The following XRCC5 variants were observed in gnomAD, a reference collection of about 807,000 sequenced individuals.
The protein encoded by XRCC5 is DNA repair protein Ku80.
A neutral mutation model predicts 95.7 loss-of-function variants in XRCC5; 12 were observed. That is an observed-to-expected ratio of 0.13 (90% CI 0.08 to 0.20). The LOEUF (loss-of-function observed/expected upper bound fraction) is 0.20, where lower values mean the gene tolerates loss of function less well. Among genes scored for constraint, XRCC5 ranks in the 10% least tolerant of loss-of-function variants. The pLI is 1.00. For synonymous variants in XRCC5, 281 were observed against 290.3 expected (o/e 0.97, Z 0.33); for missense variants, 595 against 873.9 (o/e 0.68, Z 4.02).
chr2:216,110,009 CTAAACCTTTTATTCT>C (rs1696558511), intron 1 of XRCC5, among the ~76,000 whole-genome samples: 1 of 152,202 alleles, frequency 6.6e-6, no homozygotes, highest in Non-Finnish European at 1.5e-5. Flanking sequence ...AGGGACGGAT[CTAAACCTTTTATTCT>C]TATCTCATTT....
At chr2:216,145,433 A>C (rs1404063678) in intron 13 of XRCC5, among the ~76,000 whole-genome samples, 1 of 152,226 alleles carries the variant, frequency 6.6e-6, no homozygotes, top group Non-Finnish European at 1.5e-5. Context: ...TATATTGGTA[A>C]CTTTTGAGCT....
chr2:216,114,204 G>C (rs62181311), intron 2 of XRCC5, among the ~76,000 whole-genome samples: 1 of 152,062 alleles, frequency 6.6e-6, no homozygotes, highest in Non-Finnish European at 1.5e-5. Flanking sequence ...TTTTATTTCT[G>C]CCCCTTCTAC....
At chr2:216,138,992 C>T (rs1490310911) in intron 12 of XRCC5, among the ~76,000 whole-genome samples, 1 of 151,906 alleles carries the variant, frequency 6.6e-6, no homozygotes, top group East Asian at 1.9e-4. Flanking sequence ...CAGATGGGTC[C>T]CTAGGGCCTG....
chr2:216,113,248 T>A (rs1696625312), intron 2 of XRCC5, 119 bp downstream of exon 2: 1 of 784,666 alleles, frequency 1.3e-6, no homozygotes, highest in Non-Finnish European at 2.0e-6. Context: ...GGGGGGATTC[T>A]GGGGAGTTTC....
At chr2:216,175,516 C>T (rs1190457633) in intron 16 of XRCC5, 2 of 454,894 alleles carry the variant, frequency 4.4e-6, no homozygotes, top group Non-Finnish European at 8.6e-6. Flanking sequence ...GTATCATGAT[C>T]ATCAAAAGTT....
intron 1 of XRCC5, 108 bp downstream of exon 1, chr2:216,109,565 A>T: frequency 6.6e-7 from 1 of 1,508,966 alleles, no homozygotes. Context: ...ATGGGGCAAG[A>T]GAAGATCATG....
Position 216,205,811 on chromosome 2 carries a change from G to C in XRCC5, c.*609G>C, listed in dbSNP as rs552063822. ...ATAGGTGGTTTTCTTTAAGTGGGGT[G>C]GGAAGGGGAGCACAATTTCCCTTCA... is the stretch of plus-strand genomic sequence containing the variant. On this transcript the variant is annotated 3_prime_UTR_variant, in exon 21 of 21. Transcript: ENST00000392132. 6.6e-6 allele frequency: 1 copy of C among 152,378 alleles called. No individual in the cohort carries two copies. The highest frequency in any genetic ancestry group is 6.5e-5 in the Admixed American group (1 of 15,304). 9.4% of individuals were successfully genotyped at this position (152,378 alleles called of 1,614,324 possible).
intron 10 of XRCC5, 148 bp downstream of exon 10, chr2:216,132,535 A>G: frequency 1.3e-6 from 1 of 784,614 alleles, no homozygotes; most frequent in Non-Finnish European, 2.1e-6. Flanking sequence ...CTGAAAATGG[A>G]GATGTGGTAA....
At chr2:216,173,132 C>A (rs1368961473) in intron 16 of XRCC5, among the ~76,000 whole-genome samples, 1 of 151,984 alleles carries the variant, frequency 6.6e-6, no homozygotes, top group East Asian at 1.9e-4. Context: ...AAATATACTT[C>A]TTAGGATTCT....
intron 6 of XRCC5, 60 bp downstream of exon 6, chr2:216,122,313 A>C: frequency 2.7e-6 from 4 of 1,479,198 alleles, no homozygotes; most frequent in Non-Finnish European, 3.6e-6. Context: ...TTCTCTTTTG[A>C]TTAGAGGTCT....
At chr2:216,147,752 A>T (rs1259494014) in intron 13 of XRCC5, among the ~76,000 whole-genome samples, 2 of 152,196 alleles carry the variant, frequency 1.3e-5, no homozygotes, top group African/African-American at 4.8e-5. Context: ...CCAGATTATC[A>T]GGTCTTAGAA....
intron 13 of XRCC5, among the ~76,000 whole-genome samples, chr2:216,143,367 G>A (rs549028073): frequency 1.6e-3 from 238 of 152,188 alleles, no homozygotes; most frequent in Non-Finnish European, 3.1e-3. Context: ...GGTAGGAGCA[G>A]ACCAGTTCAA....
chr2:216,174,220 C>A (rs940258421), intron 16 of XRCC5, among the ~76,000 whole-genome samples: 2 of 151,970 alleles, frequency 1.3e-5, no homozygotes, highest in Non-Finnish European at 1.5e-5. Flanking sequence ...CTCTTAAATT[C>A]AAAAATATGC....
At chr2:216,186,261 A>G (rs1428169563) in intron 16 of XRCC5, among the ~76,000 whole-genome samples, 1 of 152,232 alleles carries the variant, frequency 6.6e-6, no homozygotes, top group East Asian at 1.9e-4. Context: ...AGACATGCAC[A>G]TGGCCCTGGG....
intron 16 of XRCC5, among the ~76,000 whole-genome samples, chr2:216,171,513 C>T (rs1290866829): frequency 6.6e-6 from 1 of 152,094 alleles, no homozygotes; most frequent in African/African-American, 2.4e-5. Context: ...AGTTAATAGT[C>T]ATAATTAAAG....
intron 13 of XRCC5, among the ~76,000 whole-genome samples, chr2:216,141,667 G>A (rs1293999566): frequency 6.8e-6 from 1 of 147,698 alleles, no homozygotes; most frequent in Non-Finnish European, 1.5e-5. Flanking sequence ...TCAAACTCCT[G>A]TGCTCAAGCA....
At position 216,121,987 on chromosome 2, in the gene XRCC5, G is replaced by A. The variant is rs541938300; in HGVS notation, c.492-75G>A. 8.2e-5 allele frequency: 105 copies of A among 1,282,608 alleles called. No individual in the cohort carries two copies. In the African/African-American group the frequency reaches 1.4e-3, roughly 17 times the overall value. 79.5% of individuals were successfully genotyped at this position (1,282,608 alleles called of 1,614,324 possible). A position where few individuals can be genotyped will look rare whatever the true frequency, so the allele number is the denominator to read the frequency against. On this transcript the variant is annotated intron_variant, in intron 5 of 20. Coordinates refer to ENST00000392132, the MANE Select transcript of XRCC5 (RefSeq NM_021141.4). ...TTGAAACTTGAAAAGGTTGACTGATGTGCTCATTTTCTCATAGCTGATGAG... is the reference window on the plus strand; with the variant it reads ...TTGAAACTTGAAAAGGTTGACTGATATGCTCATTTTCTCATAGCTGATGAG...
chr2:216,128,817 A>G (rs1320569358), intron 8 of XRCC5, among the ~76,000 whole-genome samples: 1 of 152,122 alleles, frequency 6.6e-6, no homozygotes. Flanking sequence ...TAAAGCAGGC[A>G]CTCTTTGTTA....
intron 2 of XRCC5, 135 bp downstream of exon 2, chr2:216,113,264 A>C: frequency 1.5e-6 from 1 of 655,844 alleles, no homozygotes; most frequent in African/African-American, 1.8e-5. Flanking sequence ...GTTTCCTTAC[A>C]TGTACTCACA....
Sources: gnomAD v4.1 joint callset for allele counts (sites outside exome capture counted in the v4.1 genomes callset) on GRCh38, gnomAD v4.1.1 for gene constraint, MANE v1.5 for transcripts, NCBI Gene and HGNC (gene_info 2026-07-23, HGNC 2026-07-21) for gene names.